Variants in SAE1 observed in about 807,000 individuals in gnomAD.
SAE1 encodes the protein SUMO1 activating enzyme subunit 1.
SAE1 carries 11 observed loss-of-function variants against 40.6 expected under a neutral mutation model. The ratio of observed to expected loss-of-function variants is 0.27; its 90% confidence interval spans 0.17 to 0.45. The LOEUF (loss-of-function observed/expected upper bound fraction) is 0.45. SAE1 is among the 20% of genes least tolerant of loss of function. The probability of loss-of-function intolerance (pLI) is 1.00; values close to 1 mark genes in which losing one functional copy is unlikely to be tolerated. For synonymous variants in SAE1, 155 were observed against 154.3 expected (o/e 1.00, Z -0.03); for missense variants, 373 against 427.3 (o/e 0.87, Z 1.12).
chr19:47,186,287 G>GGATTTGGGATTCTTA lies in SAE1; in HGVS notation c.734-10937_734-10923dup, dbSNP rs370065807. On this transcript the variant is annotated intron_variant, in intron 6 of 8. Coordinates refer to ENST00000270225, the MANE Select transcript of SAE1 (RefSeq NM_005500.3). ...TAATAAAAGCTCATTGGAGCATTTTGGATTTGGGATTCTTAGATTTGGGGT... is the reference window on the plus strand; with the variant it reads ...TAATAAAAGCTCATTGGAGCATTTTGGATTTGGGATTCTTAGATTTGGGATTCTTAGATTTGGGGT... Among the ~76,000 whole-genome samples the GGATTTGGGATTCTTA allele has an allele frequency of 3.9e-3, 600 of 152,146 alleles. 6 individuals carry two copies. Among genetic ancestry groups the GGATTTGGGATTCTTA allele is most frequent in the African/African-American group, 0.014 (566 of 41,532 alleles).
chr19:47,163,930 C>T (rs1199737578), intron 5 of SAE1, among the ~76,000 whole-genome samples: 5 of 151,666 alleles, frequency 3.3e-5, no homozygotes, highest in Admixed American at 1.3e-4. Context: ...CTACCACACC[C>T]GGCTAAGTTT....
chr19:47,162,488 C>T (rs572172104), intron 5 of SAE1, among the ~76,000 whole-genome samples: 5 of 152,008 alleles, frequency 3.3e-5, no homozygotes, highest in South Asian at 4.2e-4. Context: ...TAACTTCAGG[C>T]GTTTTTTTTC....
intron 8 of SAE1, among the ~76,000 whole-genome samples, chr19:47,206,926 TC>T (rs1308296625): frequency 6.6e-6 from 1 of 152,242 alleles, no homozygotes; most frequent in Non-Finnish European, 1.5e-5. Flanking sequence ...TTCTTTCTGA[TC>T]CAAGCTCCAT....
intron 5 of SAE1, among the ~76,000 whole-genome samples, chr19:47,165,209 C>T (rs539633016): frequency 6.6e-6 from 1 of 150,754 alleles, no homozygotes; most frequent in African/African-American, 2.4e-5. Flanking sequence ...CCTGTCTCAG[C>T]CTCCCAAGTA....
chr19:47,181,557 C>T (rs1392969206), intron 6 of SAE1, among the ~76,000 whole-genome samples: 1 of 140,702 alleles, frequency 7.1e-6, no homozygotes, highest in Non-Finnish European at 1.5e-5. Context: ...CGGCTCACTG[C>T]AAGCTCCACC....
intron 5 of SAE1, among the ~76,000 whole-genome samples, chr19:47,169,246 GT>G (rs546295428): frequency 6.6e-6 from 1 of 152,024 alleles, no homozygotes; most frequent in Non-Finnish European, 1.5e-5. Flanking sequence ...AGGTTTTTTA[GT>G]TTTGTTTTGG....
Position 47,203,623 on chromosome 19 carries a change from A to C in SAE1, c.879-48A>C, listed in dbSNP as rs541322470. 4.5e-6 allele frequency: 7 copies of C among 1,550,504 alleles called. No individual in the cohort carries two copies. In the East Asian group the frequency reaches 1.6e-4, roughly 35 times the overall value. On this transcript the variant is annotated intron_variant, in intron 7 of 8. Transcript: ENST00000270225. ...CTGAATTTCTCCAGATGTCATGGTC[A>C]CAGTTCTGTTCCCAGTGCTCCATTT...
chr19:47,140,178 C>G (rs1376690361), intron 1 of SAE1, among the ~76,000 whole-genome samples: 1 of 151,474 alleles, frequency 6.6e-6, no homozygotes, highest in Admixed American at 6.6e-5. Flanking sequence ...GCCATCTCGG[C>G]TCACTGCAAA....
intron 6 of SAE1, among the ~76,000 whole-genome samples, chr19:47,183,445 C>CT (rs1219913052): frequency 6.6e-6 from 1 of 152,136 alleles, no homozygotes; most frequent in Non-Finnish European, 1.5e-5. Flanking sequence ...CTCAGTCAGA[C>CT]TTTAATTATT....
intron 1 of SAE1, among the ~76,000 whole-genome samples, chr19:47,132,985 G>A (rs1002614039): frequency 6.6e-6 from 1 of 152,132 alleles, no homozygotes; most frequent in South Asian, 2.1e-4. Flanking sequence ...GCCAGGGAAG[G>A]GCTCTGAAGA....
intron 4 of SAE1, 40 bp from the exon 5 acceptor site, chr19:47,155,074 C>T (rs2058312904): frequency 7.9e-7 from 1 of 1,266,432 alleles, no homozygotes; most frequent in Non-Finnish European, 1.2e-6. Context: ...AACATGATTC[C>T]TAGGGTAAAA....
intron 6 of SAE1, among the ~76,000 whole-genome samples, chr19:47,189,135 C>T (rs572060483): frequency 6.6e-6 from 1 of 152,122 alleles, no homozygotes; most frequent in Admixed American, 6.5e-5. Flanking sequence ...CAGGGCTTTG[C>T]CTTAGGAAAC....
At chr19:47,202,000 G>A (rs1331327941) in intron 7 of SAE1, among the ~76,000 whole-genome samples, 1 of 152,132 alleles carries the variant, frequency 6.6e-6, no homozygotes, top group African/African-American at 2.4e-5. Flanking sequence ...ACCCCTGGAT[G>A]AACAAAATGG....
chr19:47,203,811 ACTGT>A, intron 8 of SAE1, 71 bp downstream of exon 8: 4 of 1,308,254 alleles, frequency 3.1e-6, no homozygotes, highest in Non-Finnish European at 4.4e-6. Flanking sequence ...GAGAATGGAA[ACTGT>A]CTTAGACAGC....
At chr19:47,177,350 G>A (rs1437535187) in intron 6 of SAE1, among the ~76,000 whole-genome samples, 1 of 152,112 alleles carries the variant, frequency 6.6e-6, no homozygotes, top group Non-Finnish European at 1.5e-5. Flanking sequence ...TGTTGTTCCT[G>A]GTTTTTGTTT....
chr19:47,207,344 G>T (rs1260464801), intron 8 of SAE1, among the ~76,000 whole-genome samples: 1 of 152,176 alleles, frequency 6.6e-6, no homozygotes, highest in African/African-American at 2.4e-5. Context: ...TGAGGAAAAG[G>T]GTTTGGTGCT....
At chr19:47,183,447 T>A (rs1483555459) in intron 6 of SAE1, among the ~76,000 whole-genome samples, 2 of 152,188 alleles carry the variant, frequency 1.3e-5, no homozygotes, top group Non-Finnish European at 2.9e-5. Context: ...CAGTCAGACT[T>A]TAATTATTAG....
chr19:47,163,905 G>T (rs2058373794), intron 5 of SAE1, among the ~76,000 whole-genome samples: 1 of 151,808 alleles, frequency 6.6e-6, no homozygotes, highest in East Asian at 2.0e-4. Context: ...GAGTAGCTGG[G>T]ATTACAGGCT....
intron 6 of SAE1, among the ~76,000 whole-genome samples, chr19:47,194,992 C>G (rs2058604674): frequency 6.6e-6 from 1 of 150,586 alleles, no homozygotes; most frequent in African/African-American, 2.4e-5. Context: ...ATCTGCCTGC[C>G]TCGGCCTCCC....
Sources: allele counts gnomAD v4.1 joint callset (sites outside exome capture counted in the v4.1 genomes callset), GRCh38; gene constraint gnomAD v4.1.1; transcripts MANE v1.5; gene names NCBI Gene and HGNC (gene_info 2026-07-23, HGNC 2026-07-21).